ZNF644: variants seen among roughly 807,000 people sequenced by gnomAD.
ZNF644 encodes zinc finger protein 644, also known as zinc finger motif enhancer binding protein 2.
ZNF644 carries 20 observed loss-of-function variants against 108.0 expected under a neutral mutation model. The ratio of observed to expected loss-of-function variants is 0.19; its 90% CI spans 0.13 to 0.27. The LOEUF (loss-of-function observed/expected upper bound fraction) is 0.27. Ranked by LOEUF, ZNF644 falls within the 10% of genes least tolerant of loss-of-function variation. ZNF644 has a pLI of 1.00. For missense variants in ZNF644, 1,338 were observed against 1,548.9 expected (o/e 0.86, Z 2.29); for synonymous variants, 542 against 539.1 (o/e 1.01, Z -0.08).
At position 90,939,413 on chromosome 1, in the gene ZNF644, C is replaced by T. The variant is rs1343574445; in HGVS notation, c.1941G>A (p.Gln647=). The T allele has an allele frequency of 6.2e-7, 1 of 1,613,830 alleles. No individual in the cohort carries two copies. The highest frequency in any genetic ancestry group is 8.5e-7 in the Non-Finnish European group (1 of 1,179,948). ...CAGAGTTCTTTGGAAATGTGGTTGACTGTTGTTTAGTTAATGTTTTAGTGC... is the reference window on the plus strand; with the variant it reads ...CAGAGTTCTTTGGAAATGTGGTTGATTGTTGTTTAGTTAATGTTTTAGTGC... The part of the protein sequence containing the change: ...SDSTKTLTKQ[Q]STTFPKNSAL... The change falls in exon 3 of 6, where the codon CAG becomes CAA. Residue 647 remains glutamine, a synonymous_variant. Transcript: ENST00000337393.
At chr1:90,930,185 C>A (rs909565178) in intron 4 of ZNF644, among the ~76,000 whole-genome samples, 1 of 152,148 alleles carries the variant, frequency 6.6e-6, no homozygotes, top group Non-Finnish European at 1.5e-5. Context: ...ACTCAGGAGG[C>A]TGAGCCAGGA....
intron 1 of ZNF644, among the ~76,000 whole-genome samples, chr1:90,992,850 G>A (rs1275288242): frequency 2.0e-5 from 3 of 152,026 alleles, no homozygotes; most frequent in Non-Finnish European, 4.4e-5. Flanking sequence ...AGTTCAAGCA[G>A]CCTGAGCAAC....
In ZNF644 at chr1:90,957,925, T is replaced by C. The variant is rs1431261757; in HGVS notation, c.45-16616A>G. Among the ~76,000 whole-genome samples, 3 of 152,146 alleles carry C rather than the reference T, an allele frequency of 2.0e-5. No homozygotes were observed. The East Asian group carries it at 5.8e-4, about 29-fold the overall frequency. ...GAGCTAATAAACAAATAAAGCAAAT[T>C]TGCAAGCACAACAGCAACATGCAAA... On this transcript the variant is annotated intron_variant, in intron 2 of 5. Transcript: ENST00000337393.
chr1:91,001,172 C>T (rs548620471), intron 1 of ZNF644, among the ~76,000 whole-genome samples: 240 of 152,328 alleles, frequency 1.6e-3, no homozygotes, highest in African/African-American at 2.4e-3. Flanking sequence ...GGACTCCTCC[C>T]TAACTCATTT....
intron 2 of ZNF644, among the ~76,000 whole-genome samples, chr1:90,958,214 C>T (rs1447739247): frequency 9.1e-6 from 1 of 109,476 alleles, no homozygotes; most frequent in Admixed American, 1.2e-4. Flanking sequence ...CCAACCTGGG[C>T]GACAAAAGCA....
Position 90,939,072 on chromosome 1 carries a change from A to C in ZNF644, c.2282T>G (p.Phe761Cys). The C allele has an allele frequency of 6.2e-7, 1 of 1,614,010 alleles. No homozygotes were observed. Among genetic ancestry groups the C allele is most frequent in the South Asian group, 1.1e-5 (1 of 91,086 alleles). Residue 761 changes from phenylalanine (F) to cysteine (C), a missense_variant, in exon 3 of 6, where the codon TTC becomes TGC. By Grantham distance (205) the Phe-to-Cys change is radical. This residue lies in a region of ZNF644 where 462 missense variants were observed against 472.6 expected (regional missense o/e 0.98). Transcript: ENST00000337393. ...TAATGAACTAGCTTCTTCTTTTTTG[A>C]AATGCACAGGATATGATTCACCTGA... ...KKSGESYPVHFKKEEASSLNS... is the reference protein window; with the variant it reads ...KKSGESYPVHCKKEEASSLNS...
intron 2 of ZNF644, among the ~76,000 whole-genome samples, chr1:90,958,877 G>A (rs1396931338): frequency 6.6e-6 from 1 of 152,276 alleles, no homozygotes; most frequent in Middle Eastern, 3.4e-3. Context: ...CAGAAGGCAT[G>A]GGTTGGATCC....
intron 2 of ZNF644, among the ~76,000 whole-genome samples, chr1:90,953,349 G>A (rs995683588): frequency 2.7e-5 from 4 of 146,302 alleles, no homozygotes; most frequent in African/African-American, 1.0e-4. Context: ...ACATTTAACA[G>A]ACATGGAGAG....
chr1:90,927,610 G>A (rs1650197029), intron 4 of ZNF644, among the ~76,000 whole-genome samples: 1 of 152,036 alleles, frequency 6.6e-6, no homozygotes, highest in African/African-American at 2.4e-5. Flanking sequence ...TCGTTACCTT[G>A]CTAATCACTT....
intron 2 of ZNF644, 30 bp downstream of exon 2, chr1:90,982,280 G>A (rs778924803): frequency 2.5e-6 from 4 of 1,570,274 alleles, no homozygotes. Flanking sequence ...ACCTTGATAT[G>A]TACATTTAAC....
intron 2 of ZNF644, among the ~76,000 whole-genome samples, chr1:90,951,243 T>C (rs747810903): frequency 5.9e-5 from 9 of 152,204 alleles, no homozygotes; most frequent in Non-Finnish European, 1.0e-4. Flanking sequence ...GAGTGATCCA[T>C]ACAGATAATG....
chr1:90,957,053 G>C (rs1653823264), intron 2 of ZNF644, among the ~76,000 whole-genome samples: 1 of 152,062 alleles, frequency 6.6e-6, no homozygotes, highest in Non-Finnish European at 1.5e-5. Context: ...TAATCTAGAT[G>C]AAACAGAAAA....
chr1:91,007,219 C>CGTTTTTTTTTTTTTTTTTTTTTTTTT (rs1557658445), intron 1 of ZNF644, among the ~76,000 whole-genome samples: 4 of 114,248 alleles, frequency 3.5e-5, no homozygotes, highest in South Asian at 2.8e-4. Context: ...CATTTTCTCC[C>CGTTTTTTTTTTTTTTTTTTTTTTTTT]ATTTTGTTTT....
intron 2 of ZNF644, among the ~76,000 whole-genome samples, chr1:90,950,276 CAAGGG>C (rs1187178097): frequency 1.1e-4 from 1 of 9,490 alleles, no homozygotes; most frequent in Non-Finnish European, 1.9e-4. Context: ...GATTCCATCT[CAAGGG>C]AAGGGAAGGG....
At chr1:91,010,533 C>T (rs1355413344) in intron 1 of ZNF644, among the ~76,000 whole-genome samples, 2 of 151,494 alleles carry the variant, frequency 1.3e-5, no homozygotes, top group African/African-American at 4.9e-5. Context: ...GCTTTTTTAA[C>T]ATGCTCTTCC....
intron 2 of ZNF644, among the ~76,000 whole-genome samples, chr1:90,950,013 C>T (rs1652920712): frequency 6.6e-6 from 1 of 151,782 alleles, no homozygotes; most frequent in Non-Finnish European, 1.5e-5. Flanking sequence ...GGCAGTGGCT[C>T]ACGCCTGTAA....
chr1:90,994,000 G>C (rs1265748783), intron 1 of ZNF644, among the ~76,000 whole-genome samples: 1 of 152,144 alleles, frequency 6.6e-6, no homozygotes, highest in Non-Finnish European at 1.5e-5. Flanking sequence ...TGAATGGAAG[G>C]ATAAACAAGT....
At chr1:90,941,441 C>A in intron 2 of ZNF644, 132 bp from the exon 3 acceptor site, 1 of 854,490 alleles carries the variant, frequency 1.2e-6, no homozygotes, top group Non-Finnish European at 1.7e-6. Flanking sequence ...AATAATTTTC[C>A]AAGAATGAAA....
At chr1:90,980,328 G>A (rs1275425458) in intron 2 of ZNF644, among the ~76,000 whole-genome samples, 1 of 152,176 alleles carries the variant, frequency 6.6e-6, no homozygotes, top group African/African-American at 2.4e-5. Flanking sequence ...GGGATTGAGG[G>A]AAAGTGACAA....
Sources: gnomAD v4.1 joint callset for allele counts (sites outside exome capture counted in the v4.1 genomes callset) on GRCh38, gnomAD v4.1.1 for gene constraint, gnomAD v4.1.1 regional missense constraint, MANE v1.5 for transcripts, NCBI Gene and HGNC (gene_info 2026-07-23, HGNC 2026-07-21) for gene names.